ANO4: variants seen among roughly 807,000 people sequenced by gnomAD.
ANO4 encodes anoctamin-4.
Under a neutral mutation model 141.9 loss-of-function variants are expected in ANO4, and 69 were observed. The ratio of observed to expected loss-of-function variants is 0.49; its 90% CI spans 0.40 to 0.59. The LOEUF is 0.59. Among genes scored for constraint, ANO4 ranks in the 20% least tolerant of loss-of-function variants. ANO4 has a pLI of 0.00. For synonymous variants in ANO4, 350 were observed against 394.3 expected (o/e 0.89, Z 1.33); for missense variants, 894 against 1,162.2 (o/e 0.77, Z 3.36).
chr12:100,916,920 C>T (rs2136085005), intron 2 of ANO4, among the ~76,000 whole-genome samples: 1 of 151,154 alleles, frequency 6.6e-6, no homozygotes, highest in East Asian at 1.9e-4. Flanking sequence ...GAAGTTGAGG[C>T]TGCAGTGAGC....
Position 101,128,470 on chromosome 12 carries a change from C to T in ANO4, c.*614C>T, listed in dbSNP as rs1252559783. 1 of 152,418 alleles carries T rather than the reference C, an allele frequency of 6.6e-6. No homozygotes were observed. The highest frequency in any genetic ancestry group is 1.5e-5 in the Non-Finnish European group (1 of 68,008). The allele number at this position is 152,418 out of a possible 1,614,324, so 9.4% of individuals were successfully genotyped here. On this transcript the variant is annotated 3_prime_UTR_variant, in exon 28 of 28. Transcript: ENST00000392977. The stretch of plus-strand genomic sequence containing the variant: ...ATTCCTGCATATGTACATACAAATA[C>T]AGAGATATATAAAGTACATAGAAAT...
At chr12:100,867,569 G>A (rs182762200) in intron 1 of ANO4, among the ~76,000 whole-genome samples, 1 of 151,036 alleles carries the variant, frequency 6.6e-6, no homozygotes, top group African/African-American at 2.4e-5. Flanking sequence ...CCATTCCAAT[G>A]TTAGTCTCAT....
chr12:100,739,888 T>C (rs1474872038), exon 3 of ANO4: 1 of 702,448 alleles, frequency 1.4e-6, no homozygotes, highest in East Asian at 2.7e-5. Context: ...CAATTGGGCT[T>C]ACCCACTGGA....
chr12:100,991,736 G>A (rs892158401), intron 8 of ANO4, among the ~76,000 whole-genome samples: 6 of 151,984 alleles, frequency 3.9e-5, no homozygotes, highest in Non-Finnish European at 8.8e-5. Context: ...GAAAGACTAT[G>A]CCTTTCTCAC....
intron 14 of ANO4, among the ~76,000 whole-genome samples, chr12:101,061,835 A>G (rs2048360772): frequency 6.6e-6 from 1 of 151,876 alleles, no homozygotes; most frequent in African/African-American, 2.4e-5. Context: ...ATGCTCCTTT[A>G]GCTTGGAGGA....
At chr12:101,026,231 C>G (rs1441921526) in intron 9 of ANO4, among the ~76,000 whole-genome samples, 1 of 152,134 alleles carries the variant, frequency 6.6e-6, no homozygotes, top group African/African-American at 2.4e-5. Context: ...CAATCTGCAA[C>G]AAACAGTGAG....
intron 1 of ANO4, among the ~76,000 whole-genome samples, chr12:100,871,459 C>T (rs193280255): frequency 2.6e-5 from 4 of 152,334 alleles, no homozygotes; most frequent in African/African-American, 7.2e-5. Flanking sequence ...GTTCTTAGAG[C>T]TGTGCCCCAA....
At chr12:101,091,175 C>A (rs1459785344) in intron 17 of ANO4, among the ~76,000 whole-genome samples, 10 of 152,076 alleles carry the variant, frequency 6.6e-5, no homozygotes, top group African/African-American at 2.2e-4. Context: ...TGATTTTCAG[C>A]CAACATCAAA....
intron 1 of ANO4, among the ~76,000 whole-genome samples, chr12:100,811,339 G>A (rs2135705012): frequency 6.6e-6 from 1 of 152,282 alleles, no homozygotes; most frequent in South Asian, 2.1e-4. Context: ...GGAGACTTGA[G>A]TCAGGCTAGT....
At chr12:100,803,099 C>T (rs1304068477) in intron 1 of ANO4, among the ~76,000 whole-genome samples, 1 of 152,104 alleles carries the variant, frequency 6.6e-6, no homozygotes, top group South Asian at 2.1e-4. Context: ...TTTCTCAAGA[C>T]TAAAGTTGTC....
chr12:100,834,740 A>G (rs1158902178), intron 1 of ANO4, among the ~76,000 whole-genome samples: 1 of 152,142 alleles, frequency 6.6e-6, no homozygotes, highest in Admixed American at 6.5e-5. Flanking sequence ...AGAAAATGCT[A>G]TGGTATATGA....
At chr12:101,080,922 T>A (rs1021724935) in intron 15 of ANO4, among the ~76,000 whole-genome samples, 1 of 116,230 alleles carries the variant, frequency 8.6e-6, no homozygotes, top group Admixed American at 9.6e-5. Flanking sequence ...TACATATATA[T>A]AAATAGATTT....
At chr12:101,021,609 G>A (rs912469928) in intron 9 of ANO4, among the ~76,000 whole-genome samples, 1 of 152,284 alleles carries the variant, frequency 6.6e-6, no homozygotes, top group East Asian at 1.9e-4. Context: ...AAACTAGAAG[G>A]TTGCATTAAA....
intron 3 of ANO4, among the ~76,000 whole-genome samples, chr12:100,742,486 A>G (rs2031913246): frequency 6.6e-6 from 1 of 152,140 alleles, no homozygotes; most frequent in African/African-American, 2.4e-5. Context: ...GTTCAGCTAT[A>G]CTAGGATACC....
chr12:100,986,890 T>C (rs771827074), intron 7 of ANO4, among the ~76,000 whole-genome samples: 1 of 152,198 alleles, frequency 6.6e-6, no homozygotes, highest in Non-Finnish European at 1.5e-5. Flanking sequence ...TTTAGGATAC[T>C]GTTGTTTTCA....
At chr12:101,071,807 C>T (rs1382237678) in intron 14 of ANO4, among the ~76,000 whole-genome samples, 1 of 151,830 alleles carries the variant, frequency 6.6e-6, no homozygotes, top group African/African-American at 2.4e-5. Flanking sequence ...TCATGTACCC[C>T]ATAAATATAT....
chr12:100,891,164 A>G (rs931161545), intron 1 of ANO4, among the ~76,000 whole-genome samples: 8 of 152,130 alleles, frequency 5.3e-5, no homozygotes, highest in African/African-American at 1.9e-4. Context: ...GTTTTGTTTT[A>G]ATGCTTAATA....
Position 101,099,647 on chromosome 12 carries a change from C to T in ANO4, c.2076C>T (p.Phe692=). The T allele has an allele frequency of 6.2e-7, 1 of 1,612,290 alleles. No homozygotes were observed. Among genetic ancestry groups the T allele is most frequent in the African/African-American group, 1.3e-5 (1 of 74,928 alleles). The part of the protein sequence containing the change: ...QEHGPERKIS[F]PQWEKDYNLQ... ...ATGGACCTGAAAGGAAAATAAGTTTCCCACAATGGGAAAAGGACTATAACC... is the reference window on the plus strand; with the variant it reads ...ATGGACCTGAAAGGAAAATAAGTTTTCCACAATGGGAAAAGGACTATAACC... Residue 692 remains phenylalanine (F), a synonymous_variant, in exon 22 of 28, where the codon TTC becomes TTT. Transcript: ENST00000392977.
intron 1 of ANO4, among the ~76,000 whole-genome samples, chr12:100,859,703 G>A (rs1170139133): frequency 6.6e-6 from 1 of 152,082 alleles, no homozygotes; most frequent in Admixed American, 6.6e-5. Flanking sequence ...TTATATAATA[G>A]ATCTGCCACT....
Sources: gnomAD v4.1 joint callset for allele counts (sites outside exome capture counted in the v4.1 genomes callset) on GRCh38, gnomAD v4.1.1 for gene constraint, MANE v1.5 for transcripts, NCBI Gene and HGNC (gene_info 2026-07-23, HGNC 2026-07-21) for gene names.